The following LGALS3 variants were observed in gnomAD, a reference collection of about 807,000 sequenced individuals.
The protein encoded by LGALS3 is galectin 3, also known as galectin-3.
In LGALS3, 18 loss-of-function variants were observed where a neutral mutation model predicts 20.7. The observed-to-expected ratio is 0.87, with a 90% CI of 0.60 to 1.29. LGALS3 has a LOEUF of 1.29. Ranked by LOEUF, LGALS3 falls within the 50% of genes most tolerant of loss-of-function variation. LGALS3 has a pLI of 0.00. For synonymous variants in LGALS3, 112 were observed against 119.6 expected (o/e 0.94, Z 0.42); for missense variants, 315 against 314.7 (o/e 1.00, Z -0.01).
Position 55,142,764 on chromosome 14 carries a change from C to G in LGALS3, c.597+15C>G. The G allele has an allele frequency of 1.9e-6, 3 of 1,584,648 alleles. No homozygotes were observed. Among genetic ancestry groups the G allele is most frequent in the Non-Finnish European group, 2.6e-6 (3 of 1,153,614 alleles). Reference sequence around the variant, plus strand: ...AACCATTCAAAGTAAGTTATTGCTACTATTATATATTGATAATGTATATTT... The same window carrying G: ...AACCATTCAAAGTAAGTTATTGCTAGTATTATATATTGATAATGTATATTT... On this transcript the variant is annotated intron_variant, in intron 5 of 5. Coordinates refer to ENST00000254301, the MANE Select transcript of LGALS3 (RefSeq NM_002306.4).
At chr14:55,135,335 T>C (rs1012466523) in intron 1 of LGALS3, among the ~76,000 whole-genome samples, 2 of 152,122 alleles carry the variant, frequency 1.3e-5, no homozygotes, top group African/African-American at 4.8e-5. Context: ...AAATGCTCAC[T>C]GGAGATTTTG....
intron 1 of LGALS3, among the ~76,000 whole-genome samples, chr14:55,135,105 G>C (rs981617861): frequency 6.6e-6 from 1 of 151,634 alleles, no homozygotes; most frequent in Non-Finnish European, 1.5e-5. Context: ...AGTGAGCCCT[G>C]ATATCATGTC....
chr14:55,137,285 T>G, intron 1 of LGALS3, 85 bp from the exon 2 acceptor site: 1 of 1,262,616 alleles, frequency 7.9e-7, no homozygotes. Flanking sequence ...GGATTAGAAC[T>G]GCACAATGAA....
At position 55,140,355 on chromosome 14, in the gene LGALS3, T is replaced by C; in HGVS notation, c.423T>C (p.Asn141=). 1 of 1,609,772 alleles carries C rather than the reference T, an allele frequency of 6.2e-7. No individual in the cohort carries two copies. The highest frequency in any genetic ancestry group is 8.5e-7 in the Non-Finnish European group (1 of 1,176,734). Reference sequence around the variant, plus strand: ...CAATTCTGGGCACGGTGAAGCCCAATGCAAACAGGTAAGGAGAGCAAAATT... The same window carrying C: ...CAATTCTGGGCACGGTGAAGCCCAACGCAAACAGGTAAGGAGAGCAAAATT... ...LITILGTVKP[N]ANRIALDFQR... The change falls in exon 4 of 6, where the codon AAT becomes AAC. Residue 141 remains asparagine (N), a synonymous_variant. Coordinates refer to ENST00000254301, the MANE Select transcript of LGALS3 (RefSeq NM_002306.4).
rs1042828187 is a variant in LGALS3 at position 55,129,631 on chromosome 14, C to A, written c.-5+331C>A. Among the ~76,000 whole-genome samples, 1 of 152,328 alleles carries A rather than the reference C, an allele frequency of 6.6e-6. No individual in the cohort carries two copies. The highest frequency in any genetic ancestry group is 2.4e-5 in the African/African-American group (1 of 41,582). ...GCCGCCGTCGCACCTCCGCCGCCTGCGCTCTGCGGCCCCAGAGTAAGCCCC... is the reference window on the plus strand; with the variant it reads ...GCCGCCGTCGCACCTCCGCCGCCTGAGCTCTGCGGCCCCAGAGTAAGCCCC... On this transcript the variant is annotated intron_variant, in intron 1 of 5. Transcript: ENST00000254301. This position sits in a 1 kb window ranked among gnomAD's most constrained non-coding sequence, Gnocchi z 5.3.
chr14:55,142,365 T>C (rs1030266878), intron 4 of LGALS3, among the ~76,000 whole-genome samples: 3 of 152,196 alleles, frequency 2.0e-5, no homozygotes, highest in Non-Finnish European at 1.5e-5. Context: ...TCAACATCTA[T>C]TGTCTTGCTT....
At chr14:55,137,676 C>CT in intron 2 of LGALS3, 1 of 1,410,792 alleles carries the variant, frequency 7.1e-7, no homozygotes, top group African/African-American at 1.4e-5. Context: ...GAGAAATCCT[C>CT]TGAGTAGCGG....
chr14:55,134,175 G>A (rs1421143820), intron 1 of LGALS3, among the ~76,000 whole-genome samples: 1 of 152,168 alleles, frequency 6.6e-6, no homozygotes, highest in Non-Finnish European at 1.5e-5. Context: ...CAAATGACTG[G>A]GATTACAGGT....
chr14:55,138,254 T>C lies in LGALS3; in HGVS notation c.228T>C (p.Pro76=), dbSNP rs774895500. 1 of 1,612,604 alleles carries C rather than the reference T, an allele frequency of 6.2e-7. No individual in the cohort carries two copies. The highest frequency in any genetic ancestry group is 8.5e-7 in the Non-Finnish European group (1 of 1,179,494). Reference sequence around the variant, plus strand: ...GAGCTTATCCCGGAGCACCTGCACCTGGAGTCTACCCAGGGCCACCCAGCG... The same window carrying C: ...GAGCTTATCCCGGAGCACCTGCACCCGGAGTCTACCCAGGGCCACCCAGCG... ...APGAYPGAPA[P]GVYPGPPSGP... The change falls in exon 3 of 6, where the codon CCT becomes CCC. Residue 76 remains proline, a synonymous_variant. Transcript: ENST00000254301.
chr14:55,140,493 C>A, intron 4 of LGALS3, 130 bp downstream of exon 4: 1 of 595,436 alleles, frequency 1.7e-6, no homozygotes, highest in Non-Finnish European at 3.0e-6. Context: ...TTAAAAACTA[C>A]ATATTTAGAA....
In LGALS3 at chr14:55,138,200, A is replaced by G; in HGVS notation, c.174A>G (p.Ala58=). 2 of 1,612,530 alleles carry G rather than the reference A, an allele frequency of 1.2e-6. No individual in the cohort carries two copies. The highest frequency in any genetic ancestry group is 1.7e-6 in the Non-Finnish European group (2 of 1,179,298). Residue 58 remains alanine, a synonymous_variant, in exon 3 of 6, where the codon GCA becomes GCG. Transcript: ENST00000254301. ...QAPPGAYPGQ[A]PPGAYPGAPG... Reference sequence around the variant, plus strand: ...CCCCAGGGGCTTATCCTGGACAGGCACCTCCAGGCGCCTACCCTGGAGCAC... The same window carrying G: ...CCCCAGGGGCTTATCCTGGACAGGCGCCTCCAGGCGCCTACCCTGGAGCAC...
intron 1 of LGALS3, among the ~76,000 whole-genome samples, chr14:55,130,496 T>C (rs1023671859): frequency 2.6e-5 from 4 of 151,950 alleles, no homozygotes; most frequent in Non-Finnish European, 5.9e-5. Flanking sequence ...AATTAACTAC[T>C]TGGGCACAGG....
intron 2 of LGALS3, chr14:55,137,639 AG>A (rs1342898448): frequency 4.7e-5 from 67 of 1,433,292 alleles, no homozygotes; most frequent in Non-Finnish European, 4.6e-5. Context: ...CCAGGGCGGA[AG>A]GGAGTGGACT....
chr14:55,142,656 G>T lies in LGALS3; in HGVS notation c.504G>T (p.Arg168Ser), dbSNP rs753139581. The T allele has an allele frequency of 3.7e-6, 6 of 1,612,830 alleles. No individual in the cohort carries two copies. The highest frequency in any genetic ancestry group is 5.1e-6 in the Non-Finnish European group (6 of 1,178,782). Residue 168 changes from arginine (R) to serine (S), a missense_variant, in exon 5 of 6, where the codon AGG (arginine) becomes AGT (serine). By Grantham distance (110) the Arg-to-Ser change is moderately radical. Transcript: ENST00000254301. The stretch of plus-strand genomic sequence containing the variant: ...ACCCACGCTTCAATGAGAACAACAG[G>T]AGAGTCATTGTTTGCAATACAAAGC... ...HFNPRFNENN[R>S]RVIVCNTKLD... is the part of the protein sequence containing the mutation.
intron 2 of LGALS3, 122 bp downstream of exon 2, chr14:55,137,513 T>C: frequency 6.2e-7 from 1 of 1,601,162 alleles, no homozygotes; most frequent in South Asian, 1.1e-5. Flanking sequence ...CCTGGACTCA[T>C]TTGTCCAATG....
chr14:55,130,780 GTCAGGCTGGTCTCGAACCCCCGACC>G (rs1275070403), intron 1 of LGALS3, among the ~76,000 whole-genome samples: 11 of 149,184 alleles, frequency 7.4e-5, no homozygotes, highest in Admixed American at 4.0e-4. Context: ...CTCCATGTTG[GTCAGGCTGGTCTCGAACCCCCGACC>G]TCAGGTGACC....
In LGALS3 at chr14:55,138,348, G is replaced by T. The variant is rs1226311672; in HGVS notation, c.322G>T (p.Gly108Cys). 1.2e-6 allele frequency: 2 copies of T among 1,612,904 alleles called. No individual in the cohort carries two copies. Among genetic ancestry groups the T allele is most frequent in the East Asian group, 4.5e-5 (2 of 44,888 alleles). The part of the protein sequence containing the change: ...TGAYPATGPY[G>C]APAGPLIVPY... ...AGCCTACCCTGCCACTGGCCCCTAT[G>T]GCGCCCCTGCTGGGCCACTGGTGAG... Residue 108 changes from glycine (G) to cysteine (C), a missense_variant, in exon 3 of 6, where the codon GGC becomes TGC. Gly to Cys is a radical substitution (Grantham distance 159). Transcript: ENST00000254301.
chr14:55,133,318 G>A (rs1594649529), intron 1 of LGALS3, among the ~76,000 whole-genome samples: 2 of 152,130 alleles, frequency 1.3e-5, no homozygotes, highest in Admixed American at 1.3e-4. Context: ...GTTTCCTTAT[G>A]GTGAGAACAC....
intron 1 of LGALS3, among the ~76,000 whole-genome samples, chr14:55,131,593 C>G (rs1253366927): frequency 1.3e-5 from 2 of 152,172 alleles, no homozygotes; most frequent in Non-Finnish European, 2.9e-5. Flanking sequence ...GACACAGGCT[C>G]CCACTCAAGG....
Sources: gnomAD v4.1 joint callset for allele counts (sites outside exome capture counted in the v4.1 genomes callset) on GRCh38, gnomAD v4.1.1 for gene constraint, Gnocchi (gnomAD v3.1) non-coding constraint, MANE v1.5 for transcripts, NCBI Gene and HGNC (gene_info 2026-07-23, HGNC 2026-07-21) for gene names.